The following RAD51B variants were observed in gnomAD, a reference collection of about 807,000 sequenced individuals.
RAD51B encodes RAD51 paralog B, also known as DNA repair protein RAD51 homolog 2.
A neutral mutation model predicts 42.2 loss-of-function variants in RAD51B; 38 were observed. The observed-to-expected ratio is 0.90, with a 90% confidence interval of 0.70 to 1.18. The LOEUF is 1.18. Ranked by LOEUF, RAD51B falls within the 50% of genes most tolerant of loss-of-function variation. The pLI, the probability that RAD51B is intolerant of heterozygous loss-of-function variation, is 0.00. For synonymous variants in RAD51B, 154 were observed against 145.2 expected (o/e 1.06, Z -0.43); for missense variants, 373 against 400.7 (o/e 0.93, Z 0.59).
In RAD51B at chr14:68,037,890, A is replaced by G. The variant is rs185371862; in HGVS notation, c.756+150686A>G. Among the ~76,000 whole-genome samples, 202 of 152,304 alleles carry G rather than the reference A, an allele frequency of 1.3e-3. 1 individual carries two copies. The highest frequency in any genetic ancestry group is 3.6e-3 in the African/African-American group (148 of 41,558). ...CTTAACTTTTGAAATAAACAATTCC[A>G]TAGGATTTTATAGGAGGCTTTGGTA... On this transcript the variant is annotated intron_variant, in intron 7 of 10. Coordinates refer to ENST00000471583, the MANE Select transcript of RAD51B (RefSeq NM_133510.4).
intron 10 of RAD51B, among the ~76,000 whole-genome samples, chr14:68,514,597 C>T (rs1280474601): frequency 2.0e-5 from 3 of 151,972 alleles, no homozygotes; most frequent in East Asian, 1.9e-4. Flanking sequence ...AGTATCTCAG[C>T]CTCGAATCAG....
At chr14:67,972,776 T>C (rs756487649) in intron 7 of RAD51B, among the ~76,000 whole-genome samples, 26 of 152,146 alleles carry the variant, frequency 1.7e-4, no homozygotes, top group Non-Finnish European at 3.1e-4. Context: ...TGTGGAACTA[T>C]TATCATGTCA....
At chr14:68,178,254 T>C (rs2078998128) in intron 7 of RAD51B, among the ~76,000 whole-genome samples, 1 of 152,210 alleles carries the variant, frequency 6.6e-6, no homozygotes, top group Admixed American at 6.5e-5. Context: ...TGTTTTCCAG[T>C]GACCCAATTA....
At chr14:68,531,610 A>C (rs1459185901) in intron 10 of RAD51B, among the ~76,000 whole-genome samples, 1 of 152,248 alleles carries the variant, frequency 6.6e-6, no homozygotes, top group African/African-American at 2.4e-5. Flanking sequence ...AGAAAATGTA[A>C]AAATGTAAAA....
At chr14:68,503,466 G>A (rs1885065231) in intron 10 of RAD51B, among the ~76,000 whole-genome samples, 1 of 152,074 alleles carries the variant, frequency 6.6e-6, no homozygotes, top group Non-Finnish European at 1.5e-5. Context: ...AGGCGGCAAG[G>A]CCTCACTGAG....
intron 7 of RAD51B, among the ~76,000 whole-genome samples, chr14:67,966,500 G>A (rs1429057094): frequency 1.3e-5 from 2 of 152,182 alleles, no homozygotes; most frequent in African/African-American, 4.8e-5. Context: ...CATGTGGAAT[G>A]TTTGTAAAGG....
intron 7 of RAD51B, among the ~76,000 whole-genome samples, chr14:67,988,256 C>T (rs764785131): frequency 1.2e-4 from 18 of 151,946 alleles, no homozygotes; most frequent in Admixed American, 7.9e-4. Flanking sequence ...GTCAGGAGTT[C>T]GAGACCAGCC....
intron 7 of RAD51B, among the ~76,000 whole-genome samples, chr14:68,183,187 A>G (rs1222562769): frequency 1.3e-5 from 2 of 152,204 alleles, no homozygotes; most frequent in Non-Finnish European, 2.9e-5. Context: ...GCTGAGGAGC[A>G]AGGAAGCCAG....
intron 7 of RAD51B, among the ~76,000 whole-genome samples, chr14:67,980,084 T>A (rs1483338695): frequency 6.6e-6 from 1 of 152,160 alleles, no homozygotes; most frequent in African/African-American, 2.4e-5. Context: ...CATGCAGTTA[T>A]AAATAAAAAT....
intron 7 of RAD51B, among the ~76,000 whole-genome samples, chr14:68,169,534 C>CT (rs2078825011): frequency 1.3e-5 from 2 of 152,120 alleles, no homozygotes; most frequent in Admixed American, 6.6e-5. Flanking sequence ...ATTCTTTGAA[C>CT]TTTTAAATAT....
In RAD51B at chr14:68,392,488, ACT is replaced by A. The variant is rs140368708; in HGVS notation, c.854-18928_854-18927del. Among the ~76,000 whole-genome samples, 403 of 151,604 alleles carry A rather than the reference ACT, an allele frequency of 2.7e-3. 2 individuals are homozygous for A. The highest frequency in any genetic ancestry group is 9.5e-3 in the African/African-American group (394 of 41,284). ...GTGCTTGGCCTTGATGCCCTATAGG[ACT>A]CTCTCTCCCATTTGCCACTTTGAAC... On this transcript the variant is annotated intron_variant, in intron 8 of 10. Transcript: ENST00000471583.
chr14:68,671,988 G>A, intron 11 of RAD51B, among the ~76,000 whole-genome samples: 1 of 152,152 alleles, frequency 6.6e-6, no homozygotes, highest in Non-Finnish European at 1.5e-5. Context: ...CAGGACAGTT[G>A]GGTGGACAGT....
intron 8 of RAD51B, among the ~76,000 whole-genome samples, chr14:68,359,644 A>G (rs1430755786): frequency 1.3e-5 from 2 of 152,182 alleles, no homozygotes; most frequent in African/African-American, 4.8e-5. Context: ...CAGAGCTGTG[A>G]GTTCTTTCAC....
downstream of RAD51B, among the ~76,000 whole-genome samples, chr14:68,479,670 T>A (rs1251596657): frequency 1.8e-5 from 2 of 113,932 alleles, no homozygotes; most frequent in Admixed American, 1.6e-4. Flanking sequence ...TATTCTTCTT[T>A]TTTTTTTTTT....
chr14:68,543,022 G>A (rs2525527), intron 10 of RAD51B, among the ~76,000 whole-genome samples: 30,608 of 152,134 alleles, frequency 0.2, 3,716 homozygotes, highest in South Asian at 0.32. Context: ...TTAAATCTTC[G>A]TAAGATGTCT....
chr14:68,237,141 G>C (rs2080275897), intron 7 of RAD51B, among the ~76,000 whole-genome samples: 1 of 152,118 alleles, frequency 6.6e-6, no homozygotes, highest in Non-Finnish European at 1.5e-5. Context: ...AAATTTTTTT[G>C]CTGTGGAGCC....
chr14:67,855,770 C>G (rs2041977320), intron 4 of RAD51B, among the ~76,000 whole-genome samples: 1 of 152,136 alleles, frequency 6.6e-6, no homozygotes, highest in South Asian at 2.1e-4. Flanking sequence ...AAAGGTGGAT[C>G]CTGTCTTCTT....
At chr14:68,504,341 C>T (rs994392326) in intron 10 of RAD51B, among the ~76,000 whole-genome samples, 2 of 152,222 alleles carry the variant, frequency 1.3e-5, no homozygotes, top group Non-Finnish European at 2.9e-5. Flanking sequence ...TTGGCCTGCA[C>T]ACCATATAAA....
intron 7 of RAD51B, among the ~76,000 whole-genome samples, chr14:68,035,414 TTGAG>T: frequency 6.6e-6 from 1 of 152,174 alleles, no homozygotes; most frequent in Admixed American, 6.5e-5. Flanking sequence ...AGTTACATTC[TTGAG>T]TGAGATATGA....
Sources: allele counts gnomAD v4.1 joint callset (sites outside exome capture counted in the v4.1 genomes callset), GRCh38; gene constraint gnomAD v4.1.1; transcripts MANE v1.5; gene names NCBI Gene and HGNC (gene_info 2026-07-23, HGNC 2026-07-21).